Variants in SHQ1 observed in about 807,000 individuals in gnomAD.
The protein encoded by SHQ1 is SHQ1, H/ACA ribonucleoprotein assembly factor, also known as protein SHQ1 homolog.
In SHQ1, 49 loss-of-function variants were observed where a neutral mutation model predicts 53.8. The ratio of observed to expected loss-of-function variants is 0.91; its 90% CI spans 0.72 to 1.16. The LOEUF is 1.16. Ranked by LOEUF, SHQ1 falls within the 50% of genes most tolerant of loss-of-function variation. The probability of loss-of-function intolerance (pLI) is 0.00; values close to 1 mark genes in which losing one functional copy is unlikely to be tolerated. For synonymous variants in SHQ1, 243 were observed against 251.0 expected (o/e 0.97, Z 0.30); for missense variants, 738 against 683.1 (o/e 1.08, Z -0.90).
At chr3:72,776,642 T>A (rs1202377651) in intron 10 of SHQ1, among the ~76,000 whole-genome samples, 1 of 152,112 alleles carries the variant, frequency 6.6e-6, no homozygotes, top group Non-Finnish European at 1.5e-5. Flanking sequence ...AAACCTTTAA[T>A]GGAAAAAAAT....
chr3:72,773,204 C>T (rs762388845), intron 10 of SHQ1: 1 of 725,352 alleles, frequency 1.4e-6, no homozygotes, highest in Non-Finnish European at 2.6e-6. Context: ...GCAAGTAGAA[C>T]ACTACAGAGA....
rs993822011 is a variant in SHQ1 at position 72,817,450 on chromosome 3, T to C, written c.728-66A>G. The stretch of plus-strand genomic sequence containing the variant: ...TTTTGTAAAACTCCCAATGGAAGAT[T>C]TGTCAAAATTAGAACTTTGATTATA... On this transcript the variant is annotated intron_variant, in intron 6 of 10. Transcript: ENST00000325599. 146 of 1,429,078 alleles carry C rather than the reference T, an allele frequency of 1.0e-4. No individual in the cohort carries two copies. In the African/African-American group the frequency reaches 1.3e-3, roughly 12 times the overall value. The allele number at this position is 1,429,078 out of a possible 1,614,324, so 88.5% of individuals were successfully genotyped here. A position where few individuals can be genotyped will look rare whatever the true frequency, so the allele number is the denominator to read the frequency against.
chr3:72,806,392 G>A (rs752161277), intron 9 of SHQ1, among the ~76,000 whole-genome samples: 8 of 152,154 alleles, frequency 5.3e-5, no homozygotes, highest in Non-Finnish European at 1.2e-4. Flanking sequence ...GTTTCTGAGA[G>A]CACTATGATT....
chr3:72,738,566 T>A, the SHQ1 span, among the ~76,000 whole-genome samples: 115 of 152,304 alleles, frequency 7.6e-4, no homozygotes, highest in South Asian at 4.8e-3. Flanking sequence ...GTGGGCAATC[T>A]GACTCTTCTA....
downstream of SHQ1, among the ~76,000 whole-genome samples, chr3:72,746,384 T>G (rs1434803031): frequency 6.6e-6 from 1 of 152,216 alleles, no homozygotes; most frequent in African/African-American, 2.4e-5. Context: ...TAAAGTTGCC[T>G]GGCAGGTTGT....
chr3:72,840,120 T>C (rs1164092257), intron 4 of SHQ1, among the ~76,000 whole-genome samples: 2 of 149,254 alleles, frequency 1.3e-5, no homozygotes, highest in African/African-American at 4.9e-5. Flanking sequence ...GGCGTGGTGA[T>C]GGGCGCCTGT....
At chr3:72,789,696 A>C (rs979290564) in intron 10 of SHQ1, among the ~76,000 whole-genome samples, 1 of 152,240 alleles carries the variant, frequency 6.6e-6, no homozygotes, top group Non-Finnish European at 1.5e-5. Flanking sequence ...ATGGGTCCAG[A>C]CAGGTGCTTA....
the SHQ1 span, among the ~76,000 whole-genome samples, chr3:72,729,843 G>A: frequency 4.6e-5 from 7 of 151,882 alleles, no homozygotes; most frequent in Admixed American, 2.6e-4. Context: ...TTTTTGAGAC[G>A]GAGTCTCACT....
At chr3:72,814,428 G>A (rs1040329210) in intron 8 of SHQ1, 1 of 152,210 alleles carries the variant, frequency 6.6e-6, no homozygotes, top group Non-Finnish European at 1.5e-5. Context: ...TGTGAGGTGG[G>A]ACTGAAATTC....
intron 10 of SHQ1, among the ~76,000 whole-genome samples, chr3:72,766,768 G>A (rs573369613): frequency 6.6e-6 from 1 of 152,204 alleles, no homozygotes; most frequent in East Asian, 1.9e-4. Context: ...CTCTTTTAAG[G>A]ACTTCATGAG....
At chr3:72,781,564 AAT>A (rs1706074550) in intron 10 of SHQ1, among the ~76,000 whole-genome samples, 1 of 152,180 alleles carries the variant, frequency 6.6e-6, no homozygotes, top group Non-Finnish European at 1.5e-5. Flanking sequence ...ATTTACATAA[AAT>A]TACAGAGCAG....
chr3:72,797,343 C>A (rs939244437), intron 9 of SHQ1, among the ~76,000 whole-genome samples: 2 of 152,176 alleles, frequency 1.3e-5, no homozygotes, highest in African/African-American at 4.8e-5. Flanking sequence ...TCTCTACATC[C>A]ACTGAGCAAA....
At chr3:72,774,482 C>A (rs941804533) in intron 10 of SHQ1, among the ~76,000 whole-genome samples, 2 of 152,092 alleles carry the variant, frequency 1.3e-5, no homozygotes, top group African/African-American at 4.8e-5. Flanking sequence ...TGATATAATT[C>A]TCTGGCAGAA....
At chr3:72,763,062 CAG>C (rs1298255006) in intron 10 of SHQ1, among the ~76,000 whole-genome samples, 2,487 of 76,172 alleles carry the variant, frequency 0.033, 50 homozygotes, top group African/African-American at 0.079. Flanking sequence ...CACACACACA[CAG>C]AGAGAGAGAG....
At chr3:72,818,862 C>T (rs1707392367) in intron 6 of SHQ1, among the ~76,000 whole-genome samples, 2 of 152,112 alleles carry the variant, frequency 1.3e-5, no homozygotes. Flanking sequence ...AGAGTGGCCC[C>T]CAGCTAACAG....
intron 10 of SHQ1, among the ~76,000 whole-genome samples, chr3:72,774,984 G>A (rs1017664384): frequency 2.0e-5 from 3 of 151,900 alleles, no homozygotes; most frequent in Admixed American, 6.6e-5. Flanking sequence ...GCATGGTGGT[G>A]GGCACCTGTA....
chr3:72,765,551 ATATATATTTT>A (rs1306309672), intron 10 of SHQ1, among the ~76,000 whole-genome samples: 3 of 88,230 alleles, frequency 3.4e-5, no homozygotes, highest in Non-Finnish European at 6.1e-5. Context: ...ATATATATAT[ATATATATTTT>A]TTTTTTTTTT....
intron 10 of SHQ1, among the ~76,000 whole-genome samples, chr3:72,770,681 A>C (rs1278979445): frequency 1.3e-5 from 2 of 152,256 alleles, no homozygotes; most frequent in Non-Finnish European, 2.9e-5. Context: ...TGCTAATCAC[A>C]GAATAAAAGA....
At chr3:72,822,312 A>G (rs180844913) in intron 6 of SHQ1, among the ~76,000 whole-genome samples, 1 of 152,218 alleles carries the variant, frequency 6.6e-6, no homozygotes, top group African/African-American at 2.4e-5. Flanking sequence ...ATGGCTTTGC[A>G]GACTATGACT....
Sources: allele counts gnomAD v4.1 joint callset (sites outside exome capture counted in the v4.1 genomes callset), GRCh38; gene constraint gnomAD v4.1.1; transcripts MANE v1.5; gene names NCBI Gene and HGNC (gene_info 2026-07-23, HGNC 2026-07-21).